VTI1B: variants seen among roughly 807,000 people sequenced by gnomAD.
VTI1B encodes the protein vesicle transport through interaction with t-SNAREs homolog 1B.
VTI1B carries 18 observed loss-of-function variants against 28.6 expected under a neutral mutation model. The ratio of observed to expected loss-of-function variants is 0.63; its 90% CI spans 0.43 to 0.93. The LOEUF is 0.93. Ranked by LOEUF, VTI1B falls within the 40% of genes least tolerant of loss-of-function variation. VTI1B has a pLI of 0.00. For missense variants in VTI1B, 283 were observed against 297.0 expected (o/e 0.95, Z 0.35); for synonymous variants, 100 against 107.9 (o/e 0.93, Z 0.46).
intron 3 of VTI1B, among the ~76,000 whole-genome samples, chr14:67,656,872 T>A (rs2140812480): frequency 6.6e-6 from 1 of 152,288 alleles, no homozygotes; most frequent in East Asian, 1.9e-4. Context: ...TTCCCTGTGT[T>A]TGTAATGAAT....
At chr14:67,670,375 A>G (rs954873775) in intron 1 of VTI1B, among the ~76,000 whole-genome samples, 1 of 152,022 alleles carries the variant, frequency 6.6e-6, no homozygotes, top group Non-Finnish European at 1.5e-5. Flanking sequence ...CAGAGTTGGG[A>G]GTATTCCATG....
At position 67,651,379 on chromosome 14, in the gene VTI1B, A is replaced by T; in HGVS notation, c.*6T>A. ...TTCTGGTCCACAAACCCTTCCCTAT[A>T]GAAGTTCAATGGCTGCGAAAGAATT... On this transcript the variant is annotated 3_prime_UTR_variant, in exon 6 of 6. Coordinates refer to ENST00000554659, the MANE Select transcript of VTI1B (RefSeq NM_006370.3). 3.1e-6 allele frequency: 5 copies of T among 1,613,714 alleles called. No homozygotes were observed. The highest frequency in any genetic ancestry group is 4.2e-6 in the Non-Finnish European group (5 of 1,179,700).
intron 1 of VTI1B, 84 bp from the exon 2 acceptor site, chr14:67,662,619 C>T: frequency 7.9e-7 from 1 of 1,259,022 alleles, no homozygotes. Flanking sequence ...GAATAAGCTT[C>T]CTATGGCAGG....
At position 67,662,390 on chromosome 14, in the gene VTI1B, A is replaced by G; in HGVS notation, c.174+87T>C. The stretch of plus-strand genomic sequence containing the variant: ...TCAAAATCAAGATCAATGGACAGGA[A>G]CAGTTAATTTGTGATCAGCTCATAG... On this transcript the variant is annotated intron_variant, in intron 2 of 5. Transcript: ENST00000554659. The G allele has an allele frequency of 4.3e-6, 5 of 1,150,440 alleles. No individual in the cohort carries two copies. The South Asian group carries it at 5.4e-5, about 12-fold the overall frequency. 71.3% of individuals were successfully genotyped at this position (1,150,440 alleles called of 1,614,324 possible). A position where few individuals can be genotyped will look rare whatever the true frequency, so the allele number is the denominator to read the frequency against.
intron 5 of VTI1B, among the ~76,000 whole-genome samples, chr14:67,652,061 C>T (rs1360813526): frequency 3.3e-5 from 5 of 152,132 alleles, no homozygotes; most frequent in Admixed American, 6.5e-5. Flanking sequence ...TAGGAAAATC[C>T]CACCCCTCCT....
intron 1 of VTI1B, among the ~76,000 whole-genome samples, chr14:67,673,855 G>A (rs904756162): frequency 6.6e-6 from 1 of 152,102 alleles, no homozygotes; most frequent in African/African-American, 2.4e-5. Context: ...CTGTAAAAAC[G>A]TTCAAAACAA....
At chr14:67,657,672 G>T (rs375776067) in intron 3 of VTI1B, among the ~76,000 whole-genome samples, 1 of 151,740 alleles carries the variant, frequency 6.6e-6, no homozygotes, top group African/African-American at 2.4e-5. Context: ...CAGAGCAAGT[G>T]ACCACTGGCA....
chr14:67,657,831 C>T (rs1275928435), intron 3 of VTI1B, among the ~76,000 whole-genome samples: 2 of 151,060 alleles, frequency 1.3e-5, no homozygotes, highest in Non-Finnish European at 2.9e-5. Flanking sequence ...TCACTGCAGC[C>T]TCTGCCTCCC....
At chr14:67,655,193 T>C (rs1405029953) in intron 4 of VTI1B, among the ~76,000 whole-genome samples, 3 of 151,576 alleles carry the variant, frequency 2.0e-5, no homozygotes, top group Non-Finnish European at 4.4e-5. Flanking sequence ...TTAAAACAAT[T>C]AGCCAGGCAC....
chr14:67,653,595 T>C (rs2037216480), intron 4 of VTI1B, 97 bp from the exon 5 acceptor site: 1 of 1,107,814 alleles, frequency 9.0e-7, no homozygotes, highest in African/African-American at 1.6e-5. Context: ...GGGATATATG[T>C]TGAAAAATTC....
chr14:67,672,694 C>T (rs2140038259), intron 1 of VTI1B, among the ~76,000 whole-genome samples: 1 of 152,112 alleles, frequency 6.6e-6, no homozygotes, highest in East Asian at 1.9e-4. Flanking sequence ...CCGCCCGCCT[C>T]GGCTTCCCCA....
rs1249895755 is a variant in VTI1B at position 67,648,416 on chromosome 14, G to C, written c.*2969C>G. On this transcript the variant is annotated 3_prime_UTR_variant, in exon 6 of 6. Transcript: ENST00000554659. ...CTAAGGTAATAATGAGTAAAAAATT[G>C]TATATTTAAACAATTAAATACAAGA... 2.7e-6 allele frequency: 1 copy of C among 370,828 alleles called. No individual in the cohort carries two copies. Among genetic ancestry groups the C allele is most frequent in the Non-Finnish European group, 4.8e-6 (1 of 208,758 alleles). The allele number at this position is 370,828 out of a possible 1,614,324, so 23.0% of individuals were successfully genotyped here.
intron 2 of VTI1B, 124 bp from the exon 3 acceptor site, chr14:67,660,046 C>T: frequency 1.0e-6 from 1 of 994,392 alleles, no homozygotes; most frequent in East Asian, 2.7e-5. Flanking sequence ...TAACCATATG[C>T]TCCATGAGGC....
chr14:67,651,607 TAGC>T (rs2140795199), intron 5 of VTI1B, 126 bp from the exon 6 acceptor site: 1 of 1,010,444 alleles, frequency 9.9e-7, no homozygotes, highest in East Asian at 2.8e-5. Flanking sequence ...CACAGCCACT[TAGC>T]AGGAAGTACT....
intron 1 of VTI1B, 142 bp from the exon 2 acceptor site, chr14:67,662,677 A>T: frequency 1.3e-6 from 1 of 751,792 alleles, no homozygotes; most frequent in Non-Finnish European, 2.0e-6. Flanking sequence ...AGGCCAAGGC[A>T]GGTGGATCAC....
intron 1 of VTI1B, among the ~76,000 whole-genome samples, chr14:67,664,498 A>ATTTT (rs11444640): frequency 2.0e-5 from 3 of 147,134 alleles, no homozygotes; most frequent in Non-Finnish European, 3.0e-5. Context: ...CTAAAGAGCA[A>ATTTT]TTTTTTTTTT....
intron 1 of VTI1B, among the ~76,000 whole-genome samples, chr14:67,665,259 CTTTT>C (rs574618223): frequency 4.0e-5 from 5 of 126,526 alleles, no homozygotes; most frequent in Admixed American, 8.3e-5. Flanking sequence ...TCAGTTATAT[CTTTT>C]TTTTTTTTTT....
At position 67,674,436 on chromosome 14, in the gene VTI1B, G is replaced by A. The variant is rs780423056; in HGVS notation, c.54C>T (p.Phe18=). ...CTTGTAGGTCTTCATGGAGGCCGCG[G>A]AAGATCTCGTGCAGCTTCTCGAAAT... ...SEHFEKLHEI[F]RGLHEDLQGV... The change falls in exon 1 of 6, where the codon TTC becomes TTT. Residue 18 remains phenylalanine, a synonymous_variant. Transcript: ENST00000554659. 6 of 1,609,728 alleles carry A rather than the reference G, an allele frequency of 3.7e-6. No individual in the cohort carries two copies. The Admixed American group carries it at 8.4e-5, about 22-fold the overall frequency.
rs764664750 is a variant in VTI1B, at chr14:67,653,465, G to A, written c.574C>T (p.Arg192Trp). 6.8e-6 allele frequency: 11 copies of A among 1,613,940 alleles called. No homozygotes were observed. Among genetic ancestry groups the A allele is most frequent in the Middle Eastern group, 3.3e-4 (2 of 6,048 alleles). Residue 192 changes from arginine to tryptophan, a missense_variant, in exon 5 of 6, where the codon CGG becomes TGG. Coordinates refer to ENST00000554659, the MANE Select transcript of VTI1B (RefSeq NM_006370.3). ...CTGGACATTGAACGGAGAATCTTCC[G>A]ACTTTTGCTCAAGTTTTCACTTGTG... Reference protein sequence around the residue: ...VNTSENLSKSRKILRSMSRKV... With the variant: ...VNTSENLSKSWKILRSMSRKV...
Sources: allele counts gnomAD v4.1 joint callset (sites outside exome capture counted in the v4.1 genomes callset), GRCh38; gene constraint gnomAD v4.1.1; transcripts MANE v1.5; gene names NCBI Gene and HGNC (gene_info 2026-07-23, HGNC 2026-07-21).